Variants in IDE observed in about 807,000 individuals in gnomAD.
The protein encoded by IDE is insulin-degrading enzyme.
IDE carries 58 observed loss-of-function variants against 133.2 expected under a neutral mutation model. The observed-to-expected ratio is 0.44, with a 90% confidence interval of 0.35 to 0.54. The LOEUF is 0.54. Ranked by LOEUF, IDE falls within the 20% of genes least tolerant of loss-of-function variation. The probability of loss-of-function intolerance (pLI) is 0.00; values close to 1 mark genes in which losing one functional copy is unlikely to be tolerated. For synonymous variants in IDE, 396 were observed against 421.3 expected, an observed-to-expected ratio of 0.94 and a Z score of 0.73; for missense variants, 981 against 1,234.0, an observed-to-expected ratio of 0.79 and a Z score of 3.07.
intron 1 of IDE, among the ~76,000 whole-genome samples, chr10:92,541,139 C>T (rs1842284774): frequency 6.6e-6 from 1 of 152,166 alleles, no homozygotes; most frequent in Non-Finnish European, 1.5e-5. Context: ...TGGCAATACT[C>T]CCTAATCAAA....
At chr10:92,515,484 C>T (rs1261860773) in intron 4 of IDE, among the ~76,000 whole-genome samples, 1 of 151,084 alleles carries the variant, frequency 6.6e-6, no homozygotes, top group Non-Finnish European at 1.5e-5. Context: ...TGGTCTCGAT[C>T]TCCTGACCTC....
At chr10:92,565,104 C>T (rs376564327) in intron 1 of IDE, among the ~76,000 whole-genome samples, 24 of 151,550 alleles carry the variant, frequency 1.6e-4, no homozygotes, top group African/African-American at 4.6e-4. Context: ...AAAAATTAGC[C>T]GGCGTGGTAG....
At chr10:92,571,593 A>C (rs1843789903) in intron 1 of IDE, among the ~76,000 whole-genome samples, 1 of 152,180 alleles carries the variant, frequency 6.6e-6, no homozygotes, top group South Asian at 2.1e-4. Context: ...AGTAGTTCAG[A>C]TAATTCCACA....
At chr10:92,551,365 C>T (rs1842770732) in intron 1 of IDE, among the ~76,000 whole-genome samples, 1 of 151,698 alleles carries the variant, frequency 6.6e-6, no homozygotes, top group African/African-American at 2.4e-5. Context: ...GTCAAGAGAT[C>T]GAGACCATCC....
At chr10:92,517,100 G>A (rs1848968270) in intron 4 of IDE, among the ~76,000 whole-genome samples, 1 of 152,066 alleles carries the variant, frequency 6.6e-6, no homozygotes, top group African/African-American at 2.4e-5. Context: ...TCTTGAAGTG[G>A]TTTAATTTTT....
rs976871483 is a variant in IDE at position 92,475,083 on chromosome 10, C to T, written c.1996-122G>A. ...ATTACTAGGATATTCCCTTCTTTCCCCTTTCTGAAGTTATATAATTAAGAA... is the reference window on the plus strand; with the variant it reads ...ATTACTAGGATATTCCCTTCTTTCCTCTTTCTGAAGTTATATAATTAAGAA... On this transcript the variant is annotated intron_variant, in intron 16 of 24. Transcript: ENST00000265986. 2.4e-5 allele frequency: 17 copies of T among 709,454 alleles called. No individual in the cohort carries two copies. The Admixed American group carries it at 2.9e-4, about 12-fold the overall frequency. 43.9% of individuals were successfully genotyped at this position (709,454 alleles called of 1,614,324 possible).
intron 15 of IDE, among the ~76,000 whole-genome samples, chr10:92,476,286 G>T (rs1401028931): frequency 1.3e-5 from 2 of 151,454 alleles, no homozygotes; most frequent in African/African-American, 4.9e-5. Context: ...CAATTCTCCT[G>T]TCTCAGCCTC....
At chr10:92,523,146 G>A (rs549133359) in intron 4 of IDE, among the ~76,000 whole-genome samples, 40 of 152,152 alleles carry the variant, frequency 2.6e-4, no homozygotes, top group African/African-American at 8.2e-4. Flanking sequence ...AAATAGCAGC[G>A]GAGTCAGGCA....
chr10:92,534,195 T>C (rs1684089051), intron 3 of IDE, among the ~76,000 whole-genome samples: 1 of 152,228 alleles, frequency 6.6e-6, no homozygotes, highest in African/African-American at 2.4e-5. Context: ...CAAAACGTTC[T>C]GTATCTACTA....
At chr10:92,491,042 A>C (rs1847309480) in intron 11 of IDE, among the ~76,000 whole-genome samples, 1 of 152,006 alleles carries the variant, frequency 6.6e-6, no homozygotes, top group South Asian at 2.1e-4. Context: ...GTTCAAGAGC[A>C]ATCTGGGCAA....
intron 1 of IDE, among the ~76,000 whole-genome samples, chr10:92,557,075 C>T (rs1357388049): frequency 6.6e-6 from 1 of 151,972 alleles, no homozygotes; most frequent in Admixed American, 6.6e-5. Context: ...CCTAAGCCTC[C>T]TTTTTTGCAG....
intron 1 of IDE, among the ~76,000 whole-genome samples, chr10:92,548,872 A>G (rs1050182677): frequency 2.0e-5 from 3 of 152,198 alleles, no homozygotes; most frequent in African/African-American, 7.2e-5. Context: ...GGCAATGACT[A>G]GAGGCATTTT....
At chr10:92,530,461 T>A (rs1849864710) in intron 4 of IDE, among the ~76,000 whole-genome samples, 1 of 151,546 alleles carries the variant, frequency 6.6e-6, no homozygotes, top group Admixed American at 6.6e-5. Context: ...AATTATTTTA[T>A]TTTCTTGTAA....
chr10:92,549,592 G>GT, intron 1 of IDE, among the ~76,000 whole-genome samples: 1 of 152,234 alleles, frequency 6.6e-6, no homozygotes, highest in African/African-American at 2.4e-5. Context: ...AATCTAGTAC[G>GT]TAAGTGAAGG....
At chr10:92,456,545 G>A (rs1172451099) in intron 22 of IDE, 114 bp from the exon 23 acceptor site, 3 of 791,536 alleles carry the variant, frequency 3.8e-6, no homozygotes, top group Non-Finnish European at 6.6e-6. Flanking sequence ...TAGAAAAGAT[G>A]CTTCCCTTTC....
intron 1 of IDE, among the ~76,000 whole-genome samples, chr10:92,562,471 G>C (rs1843325639): frequency 6.6e-6 from 1 of 152,236 alleles, no homozygotes; most frequent in Non-Finnish European, 1.5e-5. Flanking sequence ...TGTCAAGTCA[G>C]AGTGACTTTT....
At chr10:92,544,532 G>T (rs1215160005) in intron 1 of IDE, among the ~76,000 whole-genome samples, 1 of 152,204 alleles carries the variant, frequency 6.6e-6, no homozygotes, top group Non-Finnish European at 1.5e-5. Context: ...AGAGAAAGAG[G>T]AAGCGTGGGA....
At chr10:92,476,675 A>ATTTTACTGTTT (rs1846271679) in intron 15 of IDE, among the ~76,000 whole-genome samples, 7 of 152,052 alleles carry the variant, frequency 4.6e-5, no homozygotes. Flanking sequence ...TCTGAAACAA[A>ATTTTACTGTTT]ACCAACAGTA....
At position 92,535,094 on chromosome 10, in the gene IDE, C is replaced by T. The variant is rs1367024125; in HGVS notation, c.284-309G>A. ...TCACAGTTTTAAGAGGTAAAATTTT[C>T]TTTTTATTTATTTATTTATTTATTT... On this transcript the variant is annotated intron_variant, in intron 2 of 24. Transcript: ENST00000265986. Among the ~76,000 whole-genome samples the T allele has an allele frequency of 2.6e-5, 4 of 151,778 alleles. No homozygotes were observed. The East Asian group carries it at 7.7e-4, about 29-fold the overall frequency.
Sources: allele counts gnomAD v4.1 joint callset (sites outside exome capture counted in the v4.1 genomes callset), GRCh38; gene constraint gnomAD v4.1.1; transcripts MANE v1.5; gene names NCBI Gene and HGNC (gene_info 2026-07-23, HGNC 2026-07-21).